RNF38: variants seen among roughly 807,000 people sequenced by gnomAD.
The protein encoded by RNF38 is E3 ubiquitin-protein ligase RNF38.
A neutral mutation model predicts 67.2 loss-of-function variants in RNF38; 15 were observed. The ratio of observed to expected loss-of-function variants is 0.22; its 90% CI spans 0.15 to 0.34. The LOEUF is 0.34. Ranked by LOEUF, RNF38 falls within the 10% of genes least tolerant of loss-of-function variation. The pLI is 1.00. For missense variants in RNF38, 524 were observed against 639.9 expected, an observed-to-expected ratio of 0.82 and a Z score of 1.95; for synonymous variants, 220 against 218.8, an observed-to-expected ratio of 1.01 and a Z score of -0.05.
intron 2 of RNF38, among the ~76,000 whole-genome samples, chr9:36,380,748 C>G (rs1836153055): frequency 6.6e-6 from 1 of 152,298 alleles, no homozygotes; most frequent in African/African-American, 2.4e-5. Context: ...TCCACCTCGG[C>G]CTCCCACAGT....
At chr9:36,485,718 G>C (rs975998109) in intron 1 of RNF38, among the ~76,000 whole-genome samples, 4 of 152,198 alleles carry the variant, frequency 2.6e-5, no homozygotes, top group Non-Finnish European at 4.4e-5. Flanking sequence ...TAAGGTGCAA[G>C]AGGGCAGCAA....
At chr9:36,357,635 AAGAC>A in intron 5 of RNF38, 136 bp downstream of exon 5, 2 of 538,422 alleles carry the variant, frequency 3.7e-6, no homozygotes, top group East Asian at 5.8e-5. Context: ...TGAAACTACA[AAGAC>A]AGTCTCTTAA....
rs534361855 is a variant in RNF38, at chr9:36,377,803, T to C, written c.163-1676A>G. On this transcript the variant is annotated intron_variant, in intron 2 of 11. Transcript: ENST00000259605. Reference sequence around the variant, plus strand: ...TAATATCAACACAATACAATATAAATGTTTTATAAATAGCTGTTATACTGT... The same window carrying C: ...TAATATCAACACAATACAATATAAACGTTTTATAAATAGCTGTTATACTGT... 1.1e-4 allele frequency among the ~76,000 whole-genome samples: 17 copies of C among 152,340 alleles called. 1 individual carries two copies. The South Asian group carries it at 3.5e-3, about 32-fold the overall frequency.
At chr9:36,487,498 C>CGCG (rs920318554) in exon 1 of RNF38, 58 of 977,038 alleles carry the variant, frequency 5.9e-5, no homozygotes, top group Admixed American at 3.2e-4. Context: ...GCTGAAAGTG[C>CGCG]GCGGCGGCGG....
intron 2 of RNF38, among the ~76,000 whole-genome samples, chr9:36,423,793 C>T (rs1247881959): frequency 4.6e-5 from 4 of 87,350 alleles, no homozygotes; most frequent in East Asian, 2.7e-4. Context: ...ACTAAAAATA[C>T]AAAAAATTAG....
chr9:36,413,453 C>T (rs908274030), intron 2 of RNF38, among the ~76,000 whole-genome samples: 2 of 152,146 alleles, frequency 1.3e-5, no homozygotes, highest in African/African-American at 4.8e-5. Flanking sequence ...AACAGACTAA[C>T]ATAATCATGC....
intron 2 of RNF38, among the ~76,000 whole-genome samples, chr9:36,383,996 C>T (rs1186439226): frequency 6.6e-6 from 1 of 151,992 alleles, no homozygotes; most frequent in Non-Finnish European, 1.5e-5. Context: ...AAGTGGTTTC[C>T]TAAGTCTAAG....
chr9:36,361,121 A>G (rs1834496999), intron 4 of RNF38, among the ~76,000 whole-genome samples: 2 of 151,636 alleles, frequency 1.3e-5, no homozygotes, highest in African/African-American at 4.9e-5. Context: ...TTGGCCAAGT[A>G]CCATATTTTG....
chr9:36,401,267 A>C, upstream of RNF38: 6 of 977,908 alleles, frequency 6.1e-6, no homozygotes, highest in Non-Finnish European at 7.3e-6. Flanking sequence ...CCGGCAACAG[A>C]GCTCCGCGCG....
intron 2 of RNF38, among the ~76,000 whole-genome samples, chr9:36,383,820 T>A (rs186178978): frequency 3.4e-4 from 51 of 152,152 alleles, no homozygotes; most frequent in African/African-American, 1.1e-3. Context: ...TTTTTTTTTT[T>A]AAACCGAAGC....
intron 1 of RNF38, among the ~76,000 whole-genome samples, chr9:36,452,218 G>T (rs1183939835): frequency 6.6e-6 from 1 of 152,104 alleles, no homozygotes; most frequent in Non-Finnish European, 1.5e-5. Context: ...AGACTGAGCT[G>T]ATGTCTTTAA....
chr9:36,375,915 T>A lies in RNF38; in HGVS notation c.356+19A>T. On this transcript the variant is annotated intron_variant, in intron 3 of 11. Transcript: ENST00000259605. The stretch of plus-strand genomic sequence containing the variant: ...TACCAATGGAAGAAAACTTAAGAAA[T>A]AAATTGTAATCAACTAACCTTCTTC... 6.3e-7 allele frequency: 1 copy of A among 1,578,920 alleles called. No individual in the cohort carries two copies. Among genetic ancestry groups the A allele is most frequent in the Non-Finnish European group, 8.6e-7 (1 of 1,167,424 alleles).
intron 1 of RNF38, among the ~76,000 whole-genome samples, chr9:36,443,176 C>A (rs570386544): frequency 6.6e-6 from 1 of 152,150 alleles, no homozygotes; most frequent in Non-Finnish European, 1.5e-5. Flanking sequence ...ATAGATTAAG[C>A]TCCTAGAGAG....
chr9:36,409,990 G>A (rs1838283913), intron 2 of RNF38, among the ~76,000 whole-genome samples: 1 of 152,106 alleles, frequency 6.6e-6, no homozygotes, highest in African/African-American at 2.4e-5. Flanking sequence ...TGTTGCAATA[G>A]TGTCTTGTAA....
At chr9:36,457,806 G>A (rs1268455381) in intron 1 of RNF38, among the ~76,000 whole-genome samples, 1 of 151,752 alleles carries the variant, frequency 6.6e-6, no homozygotes, top group East Asian at 1.9e-4. Context: ...TCACGTCACT[G>A]CACTCCAGCC....
At chr9:36,343,920 TTTTG>T (rs1163871595) in intron 10 of RNF38, among the ~76,000 whole-genome samples, 1 of 151,522 alleles carries the variant, frequency 6.6e-6, no homozygotes, top group Non-Finnish European at 1.5e-5. Context: ...GGGTGAGGGG[TTTTG>T]TTTTAGGGTG....
chr9:36,454,372 G>A (rs1424923548), intron 1 of RNF38, among the ~76,000 whole-genome samples: 1 of 151,344 alleles, frequency 6.6e-6, no homozygotes, highest in Non-Finnish European at 1.5e-5. Flanking sequence ...CAAGTAATCC[G>A]CCCACCTCGG....
At chr9:36,473,618 A>C (rs576416172) in intron 1 of RNF38, among the ~76,000 whole-genome samples, 1 of 152,178 alleles carries the variant, frequency 6.6e-6, no homozygotes, top group Non-Finnish European at 1.5e-5. Flanking sequence ...TAAATAAATA[A>C]GTGTACCACT....
At chr9:36,372,347 G>C in intron 3 of RNF38, 3 of 531,646 alleles carry the variant, frequency 5.6e-6, no homozygotes, top group Non-Finnish European at 1.0e-5. Flanking sequence ...TCTAAAATTC[G>C]ATCTTGCTTG....
Sources: allele counts gnomAD v4.1 joint callset (sites outside exome capture counted in the v4.1 genomes callset), GRCh38; gene constraint gnomAD v4.1.1; transcripts MANE v1.5; gene names NCBI Gene and HGNC (gene_info 2026-07-23, HGNC 2026-07-21).